NAALADL2: variants seen among roughly 807,000 people sequenced by gnomAD.
NAALADL2 encodes inactive N-acetylated-alpha-linked acidic dipeptidase-like protein 2.
In NAALADL2, 76 loss-of-function variants were observed where a neutral mutation model predicts 87.2. The observed-to-expected ratio is 0.87, with a 90% confidence interval of 0.72 to 1.05. The LOEUF (loss-of-function observed/expected upper bound fraction) is 1.05, where lower values mean the gene tolerates loss of function less well. NAALADL2 is among the 50% of genes least tolerant of loss of function. The pLI, the probability that NAALADL2 is intolerant of heterozygous loss-of-function variation, is 0.00. For missense variants in NAALADL2, 1,089 were observed against 945.8 expected (o/e 1.15, Z -1.99); for synonymous variants, 354 against 331.0 (o/e 1.07, Z -0.75).
chr3:174,652,321 T>G (rs1578431394), intron 2 of NAALADL2, among the ~76,000 whole-genome samples: 1 of 152,264 alleles, frequency 6.6e-6, no homozygotes, highest in East Asian at 1.9e-4. Flanking sequence ...ATTCATAAAG[T>G]TTTCTTAAAT....
chr3:175,168,955 T>C (rs768369447), intron 2 of NAALADL2, among the ~76,000 whole-genome samples: 1 of 151,802 alleles, frequency 6.6e-6, no homozygotes, highest in Non-Finnish European at 1.5e-5. Context: ...ACAAAAGTTA[T>C]TAGAGGAAGA....
At chr3:175,563,794 G>A (rs1394772155) in intron 9 of NAALADL2, among the ~76,000 whole-genome samples, 3 of 152,094 alleles carry the variant, frequency 2.0e-5, no homozygotes, top group African/African-American at 4.8e-5. Context: ...CTTACACCTG[G>A]AGCAAAGAAA....
intron 5 of NAALADL2, among the ~76,000 whole-genome samples, chr3:175,380,130 C>G (rs1031863779): frequency 2.6e-5 from 4 of 152,064 alleles, no homozygotes; most frequent in African/African-American, 9.7e-5. Flanking sequence ...AGCACACCAA[C>G]ATGGCACATG....
intron 1 of NAALADL2, among the ~76,000 whole-genome samples, chr3:174,984,040 T>G (rs1160584333): frequency 6.6e-6 from 1 of 152,230 alleles, no homozygotes; most frequent in Non-Finnish European, 1.5e-5. Flanking sequence ...TTCAGACCTT[T>G]ATTTGTAGAT....
intron 1 of NAALADL2, among the ~76,000 whole-genome samples, chr3:174,441,923 G>A (rs950442387): frequency 6.6e-6 from 1 of 151,976 alleles, no homozygotes; most frequent in Non-Finnish European, 1.5e-5. Flanking sequence ...TTAAGTTGCT[G>A]GACTGAAAGT....
At chr3:175,354,953 ATG>A (rs1232610431) in intron 5 of NAALADL2, among the ~76,000 whole-genome samples, 1 of 149,260 alleles carries the variant, frequency 6.7e-6, no homozygotes, top group Non-Finnish European at 1.5e-5. Flanking sequence ...TAATTTGTGT[ATG>A]TGTATATATA....
At chr3:175,136,313 T>A (rs940846374) in intron 2 of NAALADL2, among the ~76,000 whole-genome samples, 3 of 152,186 alleles carry the variant, frequency 2.0e-5, no homozygotes, top group Admixed American at 6.5e-5. Context: ...TAAAGCAGTT[T>A]ATCACTGTTT....
intron 1 of NAALADL2, among the ~76,000 whole-genome samples, chr3:174,493,799 G>C (rs1485015002): frequency 6.6e-6 from 1 of 152,032 alleles, no homozygotes; most frequent in Non-Finnish European, 1.5e-5. Context: ...ATTTTGTTAG[G>C]TGCTATGGGC....
intron 2 of NAALADL2, among the ~76,000 whole-genome samples, chr3:174,703,359 G>T (rs667962): frequency 0.8 from 119,755 of 150,162 alleles, 47,952 homozygotes; most frequent in African/African-American, 0.88. Flanking sequence ...AGTGATAATT[G>T]TTTTTAATAC....
chr3:175,215,863 G>A (rs1742438908), intron 2 of NAALADL2, among the ~76,000 whole-genome samples: 1 of 152,076 alleles, frequency 6.6e-6, no homozygotes, highest in African/African-American at 2.4e-5. Flanking sequence ...CTGAATGGAT[G>A]GGTCTAGTCA....
chr3:175,249,891 G>T (rs567514966), intron 3 of NAALADL2, among the ~76,000 whole-genome samples: 1 of 152,046 alleles, frequency 6.6e-6, no homozygotes, highest in Admixed American at 6.6e-5. Context: ...TATTCTTGCC[G>T]GGTGCAGTGG....
chr3:174,831,174 T>C (rs1280188790), intron 3 of NAALADL2, among the ~76,000 whole-genome samples: 24 of 152,106 alleles, frequency 1.6e-4, no homozygotes, highest in African/African-American at 5.3e-4. Flanking sequence ...GAGGGCATCC[T>C]TGTCTTGTGC....
intron 11 of NAALADL2, among the ~76,000 whole-genome samples, chr3:175,726,444 G>A (rs1742933268): frequency 6.6e-6 from 1 of 152,092 alleles, no homozygotes; most frequent in African/African-American, 2.4e-5. Flanking sequence ...CACCTCCATG[G>A]AGCAATGCCC....
chr3:174,447,455 G>A (rs951836054), intron 1 of NAALADL2, among the ~76,000 whole-genome samples: 5 of 152,074 alleles, frequency 3.3e-5, no homozygotes, highest in African/African-American at 9.7e-5. Flanking sequence ...ATAATTTAAC[G>A]GGTAAGTTAA....
At chr3:174,536,084 T>C (rs181507723) in intron 1 of NAALADL2, among the ~76,000 whole-genome samples, 2 of 152,254 alleles carry the variant, frequency 1.3e-5, no homozygotes, top group Non-Finnish European at 2.9e-5. Flanking sequence ...AAATGCAGCT[T>C]AAAGTATACT....
At chr3:174,878,405 C>T (rs1179816311) in intron 1 of NAALADL2, among the ~76,000 whole-genome samples, 9 of 152,020 alleles carry the variant, frequency 5.9e-5, no homozygotes, top group Non-Finnish European at 1.3e-4. Context: ...AAATGTATGG[C>T]CTAGCCAACT....
intron 1 of NAALADL2, among the ~76,000 whole-genome samples, chr3:174,917,168 G>T (rs1734528828): frequency 6.6e-6 from 1 of 152,026 alleles, no homozygotes; most frequent in Non-Finnish European, 1.5e-5. Flanking sequence ...GAGCAAAGAA[G>T]ATTTGTAAAC....
intron 3 of NAALADL2, among the ~76,000 whole-genome samples, chr3:174,749,397 T>C (rs1734597268): frequency 6.6e-6 from 1 of 152,160 alleles, no homozygotes; most frequent in African/African-American, 2.4e-5. Flanking sequence ...TGCTTATGAT[T>C]AGAATGCACT....
chr3:174,898,666 AAAAT>A (rs1731923443), intron 1 of NAALADL2, among the ~76,000 whole-genome samples: 1 of 152,024 alleles, frequency 6.6e-6, no homozygotes, highest in African/African-American at 2.4e-5. Context: ...GAAATAAATA[AAAAT>A]AAAAAATTAT....
Sources: gnomAD v4.1 joint callset for allele counts (sites outside exome capture counted in the v4.1 genomes callset) on GRCh38, gnomAD v4.1.1 for gene constraint, MANE v1.5 for transcripts, NCBI Gene and HGNC (gene_info 2026-07-23, HGNC 2026-07-21) for gene names.